Variants in GTF2F2 observed in about 807,000 individuals in gnomAD.
GTF2F2 encodes ATP-dependent helicase GTF2F2.
In GTF2F2, 23 loss-of-function variants were observed where a neutral mutation model predicts 42.2. That is an observed-to-expected ratio of 0.55 (90% CI 0.39 to 0.77). GTF2F2 has a LOEUF of 0.77. Ranked by LOEUF, GTF2F2 falls within the 30% of genes least tolerant of loss-of-function variation. The probability of loss-of-function intolerance (pLI) is 0.00; values close to 1 mark genes in which losing one functional copy is unlikely to be tolerated. For missense variants in GTF2F2, 261 were observed against 287.2 expected, an observed-to-expected ratio of 0.91 and a Z score of 0.66; for synonymous variants, 105 against 100.8, an observed-to-expected ratio of 1.04 and a Z score of -0.25.
intron 7 of GTF2F2, among the ~76,000 whole-genome samples, chr13:45,272,242 GT>G (rs1159547713): frequency 1.3e-5 from 2 of 151,136 alleles, no homozygotes; most frequent in Non-Finnish European, 3.0e-5. Context: ...GAAATGTGAT[GT>G]AAAATAAACT....
intron 6 of GTF2F2, among the ~76,000 whole-genome samples, chr13:45,261,443 A>AAAAAC (rs774449019): frequency 2.0e-5 from 3 of 146,430 alleles, no homozygotes; most frequent in Admixed American, 6.8e-5. Context: ...AAAAAAAAAA[A>AAAAAC]AGAATAATTT....
intron 5 of GTF2F2, among the ~76,000 whole-genome samples, chr13:45,241,832 C>T (rs1189676917): frequency 6.6e-6 from 1 of 152,134 alleles, no homozygotes; most frequent in African/African-American, 2.4e-5. Flanking sequence ...CTGGGTTTTA[C>T]ATGCCTGTTC....
At chr13:45,219,433 T>TA (rs1427240004) in intron 5 of GTF2F2, 5 of 152,338 alleles carry the variant, frequency 3.3e-5, no homozygotes, top group African/African-American at 1.2e-4. Flanking sequence ...TCCCACAACT[T>TA]AAACCAACAT....
chr13:45,149,818 A>G (rs1386628916), intron 3 of GTF2F2, 30 bp downstream of exon 3: 1 of 1,489,872 alleles, frequency 6.7e-7, no homozygotes, highest in African/African-American at 1.4e-5. Context: ...AATTTTAGTT[A>G]AAACTTGAGA....
chr13:45,135,885 T>A (rs1232984838), intron 1 of GTF2F2, among the ~76,000 whole-genome samples: 3 of 152,248 alleles, frequency 2.0e-5, no homozygotes, highest in Non-Finnish European at 4.4e-5. Flanking sequence ...ACTTTCAAGG[T>A]ATGCCCTGAT....
At chr13:45,225,611 CAAAAAAA>C (rs35637992) in intron 5 of GTF2F2, among the ~76,000 whole-genome samples, 1 of 65,542 alleles carries the variant, frequency 1.5e-5, no homozygotes, top group Non-Finnish European at 3.4e-5. Context: ...AGCTCTGTCT[CAAAAAAA>C]AAAAAAAAAA....
At chr13:45,138,371 C>G (rs981917441) in intron 2 of GTF2F2, among the ~76,000 whole-genome samples, 1 of 152,134 alleles carries the variant, frequency 6.6e-6, no homozygotes, top group African/African-American at 2.4e-5. Context: ...TGTTCCATGC[C>G]CTGGCTGTGA....
intron 1 of GTF2F2, among the ~76,000 whole-genome samples, chr13:45,122,567 G>A (rs1868712873): frequency 6.6e-6 from 1 of 152,112 alleles, no homozygotes; most frequent in South Asian, 2.1e-4. Flanking sequence ...CCGGGAGACG[G>A]AGGTTGCAGT....
intron 7 of GTF2F2, among the ~76,000 whole-genome samples, chr13:45,275,383 ATGT>A (rs1208433798): frequency 6.6e-6 from 1 of 151,834 alleles, no homozygotes; most frequent in African/African-American, 2.4e-5. Context: ...TACATGTGCC[ATGT>A]TGTTGTGCTG....
At chr13:45,243,206 G>A (rs1218025212) in intron 5 of GTF2F2, among the ~76,000 whole-genome samples, 1 of 152,088 alleles carries the variant, frequency 6.6e-6, no homozygotes, top group Non-Finnish European at 1.5e-5. Flanking sequence ...CCATCCTTCT[G>A]TGTACTTTAA....
At chr13:45,143,283 A>G (rs993089257) in intron 2 of GTF2F2, among the ~76,000 whole-genome samples, 1 of 152,174 alleles carries the variant, frequency 6.6e-6, no homozygotes, top group Non-Finnish European at 1.5e-5. Context: ...GTTTAAAAAA[A>G]TGTGTATTTG....
At chr13:45,270,185 C>T (rs1035182826) in intron 7 of GTF2F2, among the ~76,000 whole-genome samples, 5 of 152,014 alleles carry the variant, frequency 3.3e-5, no homozygotes, top group Non-Finnish European at 5.9e-5. Flanking sequence ...GCTTAGGGCC[C>T]GTCTTTTTCT....
intron 5 of GTF2F2, among the ~76,000 whole-genome samples, chr13:45,219,830 T>A (rs1296893639): frequency 1.3e-5 from 2 of 152,228 alleles, no homozygotes; most frequent in African/African-American, 4.8e-5. Flanking sequence ...GTCTAAAACC[T>A]TTTTCTTTTA....
At chr13:45,175,654 C>T (rs1388821011) in intron 4 of GTF2F2, among the ~76,000 whole-genome samples, 3 of 152,112 alleles carry the variant, frequency 2.0e-5, no homozygotes, top group Non-Finnish European at 4.4e-5. Context: ...TGAAGGTTCG[C>T]TCTTTTTGCC....
chr13:45,140,497 T>G (rs529733486), intron 2 of GTF2F2, among the ~76,000 whole-genome samples: 66 of 152,362 alleles, frequency 4.3e-4, no homozygotes, highest in Middle Eastern at 3.4e-3. Context: ...TTAGATTTCT[T>G]ATCCTAAAAG....
intron 5 of GTF2F2, among the ~76,000 whole-genome samples, chr13:45,241,600 G>C (rs1875314555): frequency 6.6e-6 from 1 of 152,104 alleles, no homozygotes; most frequent in Non-Finnish European, 1.5e-5. Context: ...TACCATATTG[G>C]ACAGTTCAAG....
intron 4 of GTF2F2, among the ~76,000 whole-genome samples, chr13:45,157,861 G>A (rs1490831396): frequency 1.3e-5 from 2 of 152,054 alleles, no homozygotes; most frequent in Non-Finnish European, 2.9e-5. Context: ...TGGGATTATA[G>A]GCATGAGCCA....
At position 45,283,946 on chromosome 13, in the gene GTF2F2, GA is replaced by G. The variant is rs757749325; in HGVS notation, c.*392del. 1.3e-5 allele frequency: 2 copies of G among 151,914 alleles called. No homozygotes were observed. Among genetic ancestry groups the G allele is most frequent in the Admixed American group, 1.3e-4 (2 of 15,254 alleles). The allele number at this position is 151,914 out of a possible 1,614,324, so 9.4% of individuals were successfully genotyped here. On this transcript the variant is annotated 3_prime_UTR_variant, in exon 8 of 8. Coordinates refer to ENST00000340473, the MANE Select transcript of GTF2F2 (RefSeq NM_004128.3). Reference sequence around the variant, plus strand: ...AGATCCAAGGAGAATTGTATAGCAAGAAAAAAACAGTCAACTACAGAAACTC... The same window carrying G: ...AGATCCAAGGAGAATTGTATAGCAAGAAAAAACAGTCAACTACAGAAACTC...
chr13:45,191,746 G>C (rs1201214028), intron 4 of GTF2F2, among the ~76,000 whole-genome samples: 1 of 152,070 alleles, frequency 6.6e-6, no homozygotes, highest in Non-Finnish European at 1.5e-5. Flanking sequence ...AGAACATTGT[G>C]ATTTATTAGA....
Sources: allele counts gnomAD v4.1 joint callset (sites outside exome capture counted in the v4.1 genomes callset), GRCh38; gene constraint gnomAD v4.1.1; transcripts MANE v1.5; gene names NCBI Gene and HGNC (gene_info 2026-07-23, HGNC 2026-07-21).